The following SLC37A2 variants were observed in gnomAD, a reference collection of about 807,000 sequenced individuals.
The protein encoded by SLC37A2 is glucose-6-phosphate exchanger SLC37A2.
SLC37A2 carries 59 observed loss-of-function variants against 70.7 expected under a neutral mutation model. The observed-to-expected ratio is 0.83, with a 90% CI of 0.68 to 1.04. The LOEUF (loss-of-function observed/expected upper bound fraction) is 1.04. SLC37A2 is among the 50% of genes least tolerant of loss of function. SLC37A2 has a pLI of 0.00. For missense variants in SLC37A2, 580 were observed against 658.1 expected (o/e 0.88, Z 1.30); for synonymous variants, 257 against 262.1 (o/e 0.98, Z 0.19).
rs942681472 is a variant in SLC37A2, at chr11:125,082,274, T to C, written c.916T>C (p.Phe306Leu). ...GVVEFSLCLLFAKLVSYTFLY... is the reference protein window; with the variant it reads ...GVVEFSLCLLLAKLVSYTFLY... ...GGTCGAGTTCTCTCTGTGTCTGCTG[T>C]TTGCCAAGCTGGTCAGTTACACCTT... The change falls in exon 10 of 18, where the codon TTT becomes CTT. Residue 306 changes from phenylalanine to leucine, a missense_variant. Coordinates refer to ENST00000403796, the MANE Select transcript of SLC37A2 (RefSeq NM_001145290.2). 1 of 1,613,956 alleles carries C rather than the reference T, an allele frequency of 6.2e-7. No homozygotes were observed. Among genetic ancestry groups the C allele is most frequent in the Admixed American group, 1.7e-5 (1 of 60,016 alleles).
At position 125,088,352 on chromosome 11, in the gene SLC37A2, G is replaced by A; in HGVS notation, c.*218G>A. On this transcript the variant is annotated 3_prime_UTR_variant, in exon 18 of 18. Coordinates refer to ENST00000403796, the MANE Select transcript of SLC37A2 (RefSeq NM_001145290.2). The stretch of plus-strand genomic sequence containing the variant: ...GGAAATAGAAGATTCAGGGGCCTGA[G>A]CTCTGGAAGCTGCAAGCAAAAGGGA... 6.8e-6 allele frequency: 4 copies of A among 584,906 alleles called. No individual in the cohort carries two copies. In the East Asian group the frequency reaches 1.1e-4, roughly 17 times the overall value. 36.2% of individuals were successfully genotyped at this position (584,906 alleles called of 1,614,324 possible).
chr11:125,070,957 T>C (rs920481881), intron 1 of SLC37A2, among the ~76,000 whole-genome samples: 1 of 152,156 alleles, frequency 6.6e-6, no homozygotes, highest in Non-Finnish European at 1.5e-5. Context: ...TTCGAAATAG[T>C]CTGTATGGTT....
rs1350617801 is a variant in SLC37A2, at chr11:125,084,815, C to T, written c.1126-10C>T. The T allele has an allele frequency of 1.2e-6, 2 of 1,613,358 alleles. No homozygotes were observed. The highest frequency in any genetic ancestry group is 1.6e-4 in the Middle Eastern group (1 of 6,062). On this transcript the variant is annotated splice_polypyrimidine_tract_variant and intron_variant, in intron 12 of 17. Coordinates refer to ENST00000403796, the MANE Select transcript of SLC37A2 (RefSeq NM_001145290.2). ...CCGGGTGACTCTGCCTCTCCCCTCT[C>T]CTCTCTCAGATGTTCCTGTACAACT...
intron 1 of SLC37A2, 60 bp from the exon 2 acceptor site, chr11:125,076,697 G>A (rs1364843989): frequency 2.0e-6 from 3 of 1,527,242 alleles, no homozygotes; most frequent in Middle Eastern, 1.7e-4. Flanking sequence ...AGGGATGCCG[G>A]CCCAGAACTT....
intron 10 of SLC37A2, among the ~76,000 whole-genome samples, 199 bp downstream of exon 10, chr11:125,082,533 C>T (rs1435932988): frequency 6.6e-6 from 1 of 152,106 alleles, no homozygotes; most frequent in Non-Finnish European, 1.5e-5. Flanking sequence ...CCCCCTAGAC[C>T]CTGACTCCAG....
rs965450233 is a variant in SLC37A2, at chr11:125,076,629, C to A, written c.60-128C>A. The A allele has an allele frequency of 4.9e-5, 41 of 840,778 alleles. No homozygotes were observed. The East Asian group carries it at 1.1e-3, about 22-fold the overall frequency. The allele number at this position is 840,778 out of a possible 1,614,324, so 52.1% of individuals were successfully genotyped here. On this transcript the variant is annotated intron_variant, in intron 1 of 17. Transcript: ENST00000403796. Reference sequence around the variant, plus strand: ...CCCAGCCTCCCCTTGGCCTCTGCACCAAGAAGGAAAGAGTTGGTGGTCCTC... The same window carrying A: ...CCCAGCCTCCCCTTGGCCTCTGCACAAAGAAGGAAAGAGTTGGTGGTCCTC...
At chr11:125,076,893 T>C in intron 2 of SLC37A2, 55 bp downstream of exon 2, 1 of 1,570,740 alleles carries the variant, frequency 6.4e-7, no homozygotes, top group Non-Finnish European at 8.7e-7. Flanking sequence ...GTAACCGTCC[T>C]TACCCCTTCC....
chr11:125,066,012 A>G (rs1948976609), intron 1 of SLC37A2, among the ~76,000 whole-genome samples: 1 of 152,214 alleles, frequency 6.6e-6, no homozygotes, highest in African/African-American at 2.4e-5. Context: ...AACATAGAAG[A>G]CAGTCATCCA....
rs1171409153 is a variant in SLC37A2 at position 125,081,718 on chromosome 11, G to T, written c.733-36G>T. The stretch of plus-strand genomic sequence containing the variant: ...TTCAGCTGGTGGGAGGCAGCACATG[G>T]ACGCACCCACAGCAGGGCTCATCTC... On this transcript the variant is annotated intron_variant, in intron 8 of 17. Coordinates refer to ENST00000403796, the MANE Select transcript of SLC37A2 (RefSeq NM_001145290.2). 4 of 1,534,776 alleles carry T rather than the reference G, an allele frequency of 2.6e-6. No homozygotes were observed. The East Asian group carries it at 6.8e-5, about 26-fold the overall frequency.
At chr11:125,073,632 T>G (rs1301265648) in intron 1 of SLC37A2, among the ~76,000 whole-genome samples, 1 of 152,374 alleles carries the variant, frequency 6.6e-6, no homozygotes, top group Non-Finnish European at 1.5e-5. Context: ...AGAAAGGTGA[T>G]AGACTCTGCT....
Position 125,088,396 on chromosome 11 carries a change from G to A in SLC37A2, c.*262G>A, listed in dbSNP as rs756144222. The stretch of plus-strand genomic sequence containing the variant: ...AAAGGGATGGGACTAGGGCTGAGTT[G>A]TGTCTCCATTTTGATAAGGAAAGGA... On this transcript the variant is annotated 3_prime_UTR_variant, in exon 18 of 18. Transcript: ENST00000403796. 8.5e-5 allele frequency: 42 copies of A among 492,932 alleles called. 1 individual carries two copies. Among genetic ancestry groups the A allele is most frequent in the Non-Finnish European group, 1.1e-4 (30 of 276,654 alleles). 30.5% of individuals were successfully genotyped at this position (492,932 alleles called of 1,614,324 possible).
In SLC37A2 at chr11:125,085,827, C is replaced by T. The variant is rs1232806411; in HGVS notation, c.1426-127C>T. The T allele has an allele frequency of 2.4e-6, 3 of 1,243,482 alleles. No individual in the cohort carries two copies. The East Asian group carries it at 7.1e-5, about 29-fold the overall frequency. The allele number at this position is 1,243,482 out of a possible 1,614,324, so 77.0% of individuals were successfully genotyped here. On this transcript the variant is annotated intron_variant, in intron 16 of 17. Coordinates refer to ENST00000403796, the MANE Select transcript of SLC37A2 (RefSeq NM_001145290.2). ...AAGCACTCTCCCTCCCCCGAGTGAC[C>T]CCTTGCCAAGTGGCAGCGTGTCTCT...
intron 1 of SLC37A2, among the ~76,000 whole-genome samples, chr11:125,069,324 T>C (rs1365531692): frequency 6.6e-6 from 1 of 152,220 alleles, no homozygotes; most frequent in African/African-American, 2.4e-5. Flanking sequence ...CCCATGGTCT[T>C]TCCGCTGCCT....
rs552760636 is a variant in SLC37A2 at position 125,080,463 on chromosome 11, T to C, written c.528-151T>C. 6.4e-6 allele frequency: 4 copies of C among 624,430 alleles called. No homozygotes were observed. In the South Asian group the frequency reaches 1.8e-4, roughly 28 times the overall value. 38.7% of individuals were successfully genotyped at this position (624,430 alleles called of 1,614,324 possible). A position where few individuals can be genotyped will look rare whatever the true frequency, so the allele number is the denominator to read the frequency against. On this transcript the variant is annotated intron_variant, in intron 6 of 17. Transcript: ENST00000403796. This position sits in a 1 kb window ranked among gnomAD's most constrained non-coding sequence, Gnocchi z 4.3. ...CTTGACACCATCCAAGGTCTCCCAC[T>C]CCTTGCTGACTTGGGGCTTTGGGGC...
chr11:125,080,649 C>T lies in SLC37A2; in HGVS notation c.563C>T (p.Thr188Ile), dbSNP rs918095778. 14 of 1,556,510 alleles carry T rather than the reference C, an allele frequency of 9.0e-6. No individual in the cohort carries two copies. Among genetic ancestry groups the T allele is most frequent in the African/African-American group, 1.4e-5 (1 of 72,084 alleles). Residue 188 changes from threonine (T) to isoleucine (I), a missense_variant, in exon 7 of 18, where the codon ACA (threonine) becomes ATA (isoleucine). By Grantham distance (89) the Thr-to-Ile change is moderately conservative. Transcript: ENST00000403796. This position sits in a 1 kb window ranked among gnomAD's most constrained non-coding sequence, Gnocchi z 4.3. Reference sequence around the variant, plus strand: ...ATCATGGGCATCTGGAATTCCCACACATCTGTGGGCAACATCCTGGGCTCC... The same window carrying T: ...ATCATGGGCATCTGGAATTCCCACATATCTGTGGGCAACATCCTGGGCTCC... ...GFIMGIWNSH[T>I]SVGNILGSLI... is the part of the protein sequence containing the mutation.
chr11:125,077,516 G>A lies in SLC37A2; in HGVS notation c.302G>A (p.Gly101Asp). ...DNAFLIAYAI[G>D]MFISGVFGER... ...GCCTTCCTCATCGCCTATGCCATCG[G>A]CATGTTCATCAGGTAAGGACAGAGG... Residue 101 changes from glycine (G) to aspartate (D), a missense_variant, in exon 4 of 18, where the codon GGC (glycine) becomes GAC (aspartate). By Grantham distance (94) the Gly-to-Asp change is moderately conservative (BLOSUM62 -1). Coordinates refer to ENST00000403796, the MANE Select transcript of SLC37A2 (RefSeq NM_001145290.2). 1.2e-6 allele frequency: 2 copies of A among 1,613,466 alleles called. No individual in the cohort carries two copies. Among genetic ancestry groups the A allele is most frequent in the Admixed American group, 1.7e-5 (1 of 59,986 alleles).
At position 125,063,468 on chromosome 11, in the gene SLC37A2, G is replaced by T; in HGVS notation, c.59+42G>T. On this transcript the variant is annotated intron_variant, in intron 1 of 17. Transcript: ENST00000403796. This position sits in a 1 kb window ranked among gnomAD's most constrained non-coding sequence, Gnocchi z 5.4. ...AGGGAGGCGTGCCGGGACCTCCTGG[G>T]CTCGGGGCTTGCAGGGGCCGCGGGG... 4 of 1,582,142 alleles carry T rather than the reference G, an allele frequency of 2.5e-6. No homozygotes were observed. Among genetic ancestry groups the T allele is most frequent in the Middle Eastern group, 3.6e-4 (2 of 5,580 alleles).
Position 125,088,311 on chromosome 11 carries a change from G to A in SLC37A2, c.*177G>A. The A allele has an allele frequency of 1.5e-6, 1 of 671,310 alleles. No homozygotes were observed. The highest frequency in any genetic ancestry group is 2.5e-6 in the Non-Finnish European group (1 of 400,134). The allele number at this position is 671,310 out of a possible 1,614,324, so 41.6% of individuals were successfully genotyped here. ...GACACAGAGATTCTCCATGGGAAGG[G>A]GACTGCCAAGCATGAGGAAATAGAA... On this transcript the variant is annotated 3_prime_UTR_variant, in exon 18 of 18. Transcript: ENST00000403796.
Position 125,063,431 on chromosome 11 carries a change from G to A in SLC37A2, c.59+5G>A. On this transcript the variant is annotated splice_donor_5th_base_variant and intron_variant, in intron 1 of 17. Transcript: ENST00000403796. The surrounding 1 kb of genome is among the most constrained non-coding windows in gnomAD (Gnocchi z 5.4). Reference sequence around the variant, plus strand: ...GGCCTTCTCCAGGGACAGCTGGTGAGCGGGGCAGGGGAGGGAGGCGTGCCG... The same window carrying A: ...GGCCTTCTCCAGGGACAGCTGGTGAACGGGGCAGGGGAGGGAGGCGTGCCG... 1 of 1,610,660 alleles carries A rather than the reference G, an allele frequency of 6.2e-7. No individual in the cohort carries two copies. Among genetic ancestry groups the A allele is most frequent in the Non-Finnish European group, 8.5e-7 (1 of 1,178,844 alleles).
Sources: allele counts gnomAD v4.1 joint callset (sites outside exome capture counted in the v4.1 genomes callset), GRCh38; gene constraint gnomAD v4.1.1; non-coding constraint Gnocchi (gnomAD v3.1); transcripts MANE v1.5; gene names NCBI Gene and HGNC (gene_info 2026-07-23, HGNC 2026-07-21).